The following FBXL17 variants were observed in gnomAD, a reference collection of about 807,000 sequenced individuals.
The protein encoded by FBXL17 is F-box/LRR-repeat protein 17.
FBXL17 carries 22 observed loss-of-function variants against 66.2 expected under a neutral mutation model. The observed-to-expected ratio is 0.33, with a 90% CI of 0.24 to 0.47. The LOEUF is 0.47. Among genes scored for constraint, FBXL17 ranks in the 20% least tolerant of loss-of-function variants. The pLI, the probability that FBXL17 is intolerant of heterozygous loss-of-function variation, is 1.00. For missense variants in FBXL17, 878 were observed against 948.2 expected, an observed-to-expected ratio of 0.93 and a Z score of 0.97; for synonymous variants, 474 against 400.5, an observed-to-expected ratio of 1.18 and a Z score of -2.19.
chr5:107,920,766 T>C (rs1750288763), intron 7 of FBXL17, among the ~76,000 whole-genome samples: 1 of 152,162 alleles, frequency 6.6e-6, no homozygotes, highest in Non-Finnish European at 1.5e-5. Flanking sequence ...AGGAAGTACC[T>C]AATCCTGCAA....
intron 8 of FBXL17, chr5:107,878,856 G>A (rs1218921857): frequency 3.0e-6 from 3 of 985,402 alleles, no homozygotes; most frequent in East Asian, 1.1e-4. Flanking sequence ...GCTGGGTCCA[G>A]CATCTCCCTG....
chr5:108,357,979 T>G (rs1465363141), intron 3 of FBXL17, among the ~76,000 whole-genome samples: 2 of 152,152 alleles, frequency 1.3e-5, no homozygotes, highest in Non-Finnish European at 2.9e-5. Context: ...TTGGATTCTA[T>G]TTCTTTTGGG....
intron 4 of FBXL17, among the ~76,000 whole-genome samples, chr5:108,270,245 C>T (rs1048081142): frequency 6.6e-6 from 1 of 151,976 alleles, no homozygotes; most frequent in East Asian, 1.9e-4. Context: ...TACTGAGAAA[C>T]TCTCAGTGTC....
intron 4 of FBXL17, among the ~76,000 whole-genome samples, chr5:108,328,074 C>G (rs915362277): frequency 6.6e-6 from 1 of 152,128 alleles, no homozygotes; most frequent in Non-Finnish European, 1.5e-5. Flanking sequence ...CAAAAACTAT[C>G]TTCCCACAAA....
chr5:107,988,899 C>G (rs1258510908), intron 7 of FBXL17, among the ~76,000 whole-genome samples: 1 of 152,046 alleles, frequency 6.6e-6, no homozygotes. Context: ...AAGAAGCCAA[C>G]TCTTAATTGT....
In FBXL17 at chr5:108,380,751, G is replaced by C. The variant is rs2112670180; in HGVS notation, c.941C>G (p.Pro314Arg). Reference sequence around the variant, plus strand: ...GTTGATGTCTGGGGTTTCGGGGGGCGGCTCCCTGTGACAGTCGCAGGGGTT... The same window carrying C: ...GTTGATGTCTGGGGTTTCGGGGGGCCGCTCCCTGTGACAGTCGCAGGGGTT... Reference protein sequence around the residue: ...PENPCDCHREPPPETPDINQL... With the variant: ...PENPCDCHRERPPETPDINQL... The change falls in exon 1 of 9, where the codon CCG becomes CGG. Residue 314 changes from proline (P) to arginine (R), a missense_variant. Transcript: ENST00000542267. 1 of 1,250,154 alleles carries C rather than the reference G, an allele frequency of 8.0e-7. No individual in the cohort carries two copies. The highest frequency in any genetic ancestry group is 4.1e-5 in the South Asian group (1 of 24,474). The allele number at this position is 1,250,154 out of a possible 1,614,324, so 77.4% of individuals were successfully genotyped here.
In FBXL17 at chr5:107,995,542, A is replaced by T. The variant is rs74949738; in HGVS notation, c.1822+25383T>A. On this transcript the variant is annotated intron_variant, in intron 7 of 8. Transcript: ENST00000542267. ...TTTCCCTTACTTTTAAGAAAAAAAA[A>T]TGTTTTATAAGAGTTTGTGTGTGTG... 3.8e-3 allele frequency among the ~76,000 whole-genome samples: 583 copies of T among 152,188 alleles called. 5 individuals are homozygous for T. The highest frequency in any genetic ancestry group is 0.013 in the African/African-American group (552 of 41,530).
intron 3 of FBXL17, among the ~76,000 whole-genome samples, chr5:108,364,110 C>T (rs1449485453): frequency 6.6e-6 from 1 of 151,878 alleles, no homozygotes. Context: ...AGAGTCTTCC[C>T]AAATTTCTTT....
At chr5:108,330,517 C>A (rs970563205) in intron 4 of FBXL17, among the ~76,000 whole-genome samples, 1 of 152,140 alleles carries the variant, frequency 6.6e-6, no homozygotes, top group Non-Finnish European at 1.5e-5. Flanking sequence ...ATTAATAATT[C>A]ATAAGCAATC....
intron 6 of FBXL17, among the ~76,000 whole-genome samples, chr5:108,184,482 T>C (rs1157843230): frequency 3.3e-5 from 5 of 151,954 alleles, no homozygotes; most frequent in Non-Finnish European, 7.4e-5. Context: ...AATTTTTTTG[T>C]ATTTTTAGTA....
At chr5:108,107,266 T>A (rs1749837527) in intron 6 of FBXL17, among the ~76,000 whole-genome samples, 1 of 152,118 alleles carries the variant, frequency 6.6e-6, no homozygotes. Flanking sequence ...GAGACAGAGT[T>A]TCTCCATGTT....
intron 6 of FBXL17, among the ~76,000 whole-genome samples, chr5:108,183,443 A>G (rs1580571660): frequency 6.6e-6 from 1 of 152,318 alleles, no homozygotes; most frequent in Admixed American, 6.5e-5. Context: ...GTACTTCATT[A>G]TTTGTTATGA....
chr5:108,126,527 G>A (rs1246498363), intron 6 of FBXL17, among the ~76,000 whole-genome samples: 1 of 151,398 alleles, frequency 6.6e-6, no homozygotes. Flanking sequence ...GAAATTGACA[G>A]TTTATATTTT....
intron 6 of FBXL17, among the ~76,000 whole-genome samples, chr5:108,181,705 T>A (rs868370162): frequency 6.6e-6 from 1 of 152,150 alleles, no homozygotes; most frequent in East Asian, 1.9e-4. Flanking sequence ...TCAGGATAAA[T>A]CTTTGTAATA....
At position 108,143,723 on chromosome 5, in the gene FBXL17, T is replaced by TG. The variant is rs1486740394; in HGVS notation, c.1745+42393dup. Among the ~76,000 whole-genome samples the TG allele has an allele frequency of 6.1e-3, 504 of 82,076 alleles. 6 individuals carry two copies. The highest frequency in any genetic ancestry group is 0.022 in the African/African-American group (486 of 22,066). The allele number at this position is 82,076 out of a possible 152,430, so 53.8% of individuals were successfully genotyped here. ...ATACTTGTGAACTTGCTTGTTTTCATGGGAAAAAAAAAAAAAAAAAAAAAA... is the reference window on the plus strand; with the variant it reads ...ATACTTGTGAACTTGCTTGTTTTCATGGGGAAAAAAAAAAAAAAAAAAAAAA... On this transcript the variant is annotated intron_variant, in intron 6 of 8. Transcript: ENST00000542267.
chr5:108,161,523 G>GT, intron 6 of FBXL17, among the ~76,000 whole-genome samples: 1 of 151,844 alleles, frequency 6.6e-6, no homozygotes, highest in East Asian at 1.9e-4. Flanking sequence ...AACTCAACCA[G>GT]TAAGTTGATT....
At chr5:108,300,159 A>G (rs564014801) in intron 4 of FBXL17, among the ~76,000 whole-genome samples, 4 of 152,150 alleles carry the variant, frequency 2.6e-5, no homozygotes, top group African/African-American at 9.6e-5. Flanking sequence ...AAACTTTTAG[A>G]AACTTAAAAA....
intron 4 of FBXL17, among the ~76,000 whole-genome samples, chr5:108,341,726 A>G (rs192087971): frequency 6.6e-6 from 1 of 152,098 alleles, no homozygotes; most frequent in Non-Finnish European, 1.5e-5. Context: ...CCAAATATGA[A>G]TACTTCCCTA....
intron 5 of FBXL17, among the ~76,000 whole-genome samples, chr5:108,206,262 G>GA (rs1198474913): frequency 6.6e-6 from 1 of 151,922 alleles, no homozygotes; most frequent in East Asian, 1.9e-4. Flanking sequence ...ATTCCTATAA[G>GA]AAAAAAAGGA....
Sources: allele counts gnomAD v4.1 joint callset (sites outside exome capture counted in the v4.1 genomes callset), GRCh38; gene constraint gnomAD v4.1.1; transcripts MANE v1.5; gene names NCBI Gene and HGNC (gene_info 2026-07-23, HGNC 2026-07-21).